EDEM3: variants seen among roughly 807,000 people sequenced by gnomAD.
EDEM3 encodes the protein ER degradation enhancing alpha-mannosidase like protein 3.
In EDEM3, 60 loss-of-function variants were observed where a neutral mutation model predicts 110.2. The ratio of observed to expected loss-of-function variants is 0.54; its 90% CI spans 0.44 to 0.67. The LOEUF is 0.67. Among genes scored for constraint, EDEM3 ranks in the 30% least tolerant of loss-of-function variants. The probability of loss-of-function intolerance (pLI) is 0.00; values close to 1 mark genes in which losing one functional copy is unlikely to be tolerated. For synonymous variants in EDEM3, 352 were observed against 382.9 expected (o/e 0.92, Z 0.94); for missense variants, 996 against 1,121.0 (o/e 0.89, Z 1.59).
At position 184,702,862 on chromosome 1, in the gene EDEM3, G is replaced by A. The variant is rs749061615; in HGVS notation, c.2338C>T (p.Arg780Trp). 3.2e-5 allele frequency: 52 copies of A among 1,611,784 alleles called. No homozygotes were observed. The highest frequency in any genetic ancestry group is 2.0e-4 in the East Asian group (9 of 44,716). The change falls in exon 19 of 20, where the codon CGG becomes TGG. Residue 780 changes from arginine (R) to tryptophan (W), a missense_variant. By Grantham distance (101) the Arg-to-Trp change is moderately radical. Transcript: ENST00000318130. ...KEGSIILDAI[R>W]EYEEVEVLLS... is the part of the protein sequence containing the mutation. ...AGCACTTCTACCTCCTCATATTCCCGGATGGCATCCAGTATGATACTTCCT... is the reference window on the plus strand; with the variant it reads ...AGCACTTCTACCTCCTCATATTCCCAGATGGCATCCAGTATGATACTTCCT...
chr1:184,734,212 T>C (rs1651695956), intron 5 of EDEM3, among the ~76,000 whole-genome samples: 1 of 134,212 alleles, frequency 7.5e-6, no homozygotes, highest in Non-Finnish European at 1.7e-5. Flanking sequence ...CTCACGCCTG[T>C]AATCCCAGCA....
At position 184,693,002 on chromosome 1, in the gene EDEM3, A is replaced by G. The variant is rs754950729; in HGVS notation, c.*1061T>C. On this transcript the variant is annotated 3_prime_UTR_variant, in exon 20 of 20. Coordinates refer to ENST00000318130, the MANE Select transcript of EDEM3 (RefSeq NM_025191.4). ...TTTAGAAACCTAAGTTTCAAAGGAG[A>G]AAAACAGTAGTTACTCCAGGAATTT... 1.3e-5 allele frequency: 2 copies of G among 154,760 alleles called. No individual in the cohort carries two copies. Among genetic ancestry groups the G allele is most frequent in the African/African-American group, 2.4e-5 (1 of 41,522 alleles). 9.6% of individuals were successfully genotyped at this position (154,760 alleles called of 1,614,324 possible).
At chr1:184,737,790 G>T in intron 2 of EDEM3, 79 bp from the exon 3 acceptor site, 1 of 1,231,234 alleles carries the variant, frequency 8.1e-7, no homozygotes, top group South Asian at 1.5e-5. Context: ...CTTTTTCACA[G>T]TTAAAAAATA....
intron 19 of EDEM3, among the ~76,000 whole-genome samples, chr1:184,698,386 A>G (rs1473456537): frequency 1.3e-5 from 2 of 151,864 alleles, no homozygotes; most frequent in Non-Finnish European, 2.9e-5. Context: ...TTGGACGCCT[A>G]ATAGTGACAT....
Position 184,711,865 on chromosome 1 carries a change from T to C in EDEM3, c.1549A>G (p.Thr517Ala), listed in dbSNP as rs1650260479. The C allele has an allele frequency of 6.2e-7, 1 of 1,608,308 alleles. No individual in the cohort carries two copies. The highest frequency in any genetic ancestry group is 1.3e-5 in the African/African-American group (1 of 74,736). ...ISKKNTTSEY[T>A]ELDDSNFDWT... ...TCGAAGTTACTGTCATCCAGTTCTGTATATTCCGAGGTCTACAAGAGAAAA... is the reference window on the plus strand; with the variant it reads ...TCGAAGTTACTGTCATCCAGTTCTGCATATTCCGAGGTCTACAAGAGAAAA... Residue 517 changes from threonine to alanine, a missense_variant, in exon 15 of 20, where the codon ACA becomes GCA. Around this residue, in one of 5 missense-constraint regions of EDEM3, gnomAD observed 138 missense variants for 124.3 expected, o/e 1.11. Coordinates refer to ENST00000318130, the MANE Select transcript of EDEM3 (RefSeq NM_025191.4).
At chr1:184,735,655 T>C (rs992611173) in intron 4 of EDEM3, among the ~76,000 whole-genome samples, 1 of 152,166 alleles carries the variant, frequency 6.6e-6, no homozygotes. Flanking sequence ...AAAAGTAAAA[T>C]TTAGGGTAAG....
At chr1:184,732,033 G>A (rs535063133) in intron 6 of EDEM3, among the ~76,000 whole-genome samples, 7 of 152,022 alleles carry the variant, frequency 4.6e-5, no homozygotes, top group Admixed American at 2.6e-4. Flanking sequence ...AAAATTAGCC[G>A]GTCGTGGTAG....
In EDEM3 at chr1:184,708,464, C is replaced by T. The variant is rs986346080; in HGVS notation, c.1846-120G>A. 5 of 945,006 alleles carry T rather than the reference C, an allele frequency of 5.3e-6. No individual in the cohort carries two copies. In the African/African-American group the frequency reaches 8.8e-5, roughly 17 times the overall value. 58.5% of individuals were successfully genotyped at this position (945,006 alleles called of 1,614,324 possible). On this transcript the variant is annotated intron_variant, in intron 16 of 19. Coordinates refer to ENST00000318130, the MANE Select transcript of EDEM3 (RefSeq NM_025191.4). ...TACAACTTCTTCTTTCACTTTAGGT[C>T]ACCACCAAGTATTTATGACCTTATT...
Position 184,710,395 on chromosome 1 carries a change from T to G in EDEM3, c.1844A>C (p.Gln615Pro). 1 of 1,613,722 alleles carries G rather than the reference T, an allele frequency of 6.2e-7. No individual in the cohort carries two copies. Among genetic ancestry groups the G allele is most frequent in the Admixed American group, 1.7e-5 (1 of 59,994 alleles). Residue 615 changes from glutamine to proline, a missense_variant and splice_region_variant, in exon 16 of 20, where the codon CAA becomes CCA. Coordinates refer to ENST00000318130, the MANE Select transcript of EDEM3 (RefSeq NM_025191.4). ...CTAATTAGTGTAGCAATGTCTTACTTGGATTGCATGTTGGACCAACTGGAC... is the reference window on the plus strand; with the variant it reads ...CTAATTAGTGTAGCAATGTCTTACTGGGATTGCATGTTGGACCAACTGGAC... ...GRVQLVQHAI[Q>P]AASSIDAEDG...
chr1:184,715,018 C>A (rs1650466535), intron 13 of EDEM3, among the ~76,000 whole-genome samples: 2 of 152,138 alleles, frequency 1.3e-5, no homozygotes, highest in South Asian at 2.1e-4. Context: ...AGAGGCACAA[C>A]AATCCCCTCA....
chr1:184,739,380 A>G (rs914873855), intron 2 of EDEM3, among the ~76,000 whole-genome samples: 3 of 150,050 alleles, frequency 2.0e-5, no homozygotes, highest in Non-Finnish European at 4.4e-5. Context: ...TTAAATTTTA[A>G]TTATTTTATC....
rs1020375638 is a variant in EDEM3 at position 184,691,727 on chromosome 1, C to T, written c.*2336G>A. 2 of 151,786 alleles carry T rather than the reference C, an allele frequency of 1.3e-5. No homozygotes were observed. Among genetic ancestry groups the T allele is most frequent in the African/African-American group, 4.8e-5 (2 of 41,306 alleles). 9.4% of individuals were successfully genotyped at this position (151,786 alleles called of 1,614,324 possible). On this transcript the variant is annotated 3_prime_UTR_variant, in exon 20 of 20. Transcript: ENST00000318130. ...AATGAATGTAGAGTTGTAATTACAA[C>T]GTTGGAGTTTTTTAGACGAACATTA...
chr1:184,702,969 G>A lies in EDEM3; in HGVS notation c.2231C>T (p.Thr744Ile), dbSNP rs980881430. 1.9e-6 allele frequency: 3 copies of A among 1,611,230 alleles called. No individual in the cohort carries two copies. The highest frequency in any genetic ancestry group is 2.7e-5 in the African/African-American group (2 of 74,680). The change falls in exon 19 of 20, where the codon ACT (threonine) becomes ATT (isoleucine). Residue 744 changes from threonine (T) to isoleucine (I), a missense_variant. Thr to Ile is a moderately conservative substitution (Grantham distance 89). Coordinates refer to ENST00000318130, the MANE Select transcript of EDEM3 (RefSeq NM_025191.4). ...IDDNEGSSSD[T>I]APLFQMAGDG... is the part of the protein sequence containing the mutation. ...ACCTGCCATCTGGAACAGAGGGGCA[G>A]TATCACTGCTGCTCCCCTCATTGTC... is the stretch of plus-strand genomic sequence containing the variant.
At position 184,706,673 on chromosome 1, in the gene EDEM3, T is replaced by C; in HGVS notation, c.2173A>G (p.Asn725Asp). ...ACAATGCCACCAATGGCTCCAGCAT[T>C]CTGGATGTTGCGTGCCTTTTCTGCA... ...MFAEKARNIQ[N>D]AGAIGGIVID... The change falls in exon 18 of 20, where the codon AAT becomes GAT. Residue 725 changes from asparagine to aspartate, a missense_variant. This residue lies in a region of EDEM3 where 345 missense variants were observed against 402.0 expected (regional missense o/e 0.86). Transcript: ENST00000318130. The C allele has an allele frequency of 6.2e-7, 1 of 1,613,280 alleles. No individual in the cohort carries two copies. Among genetic ancestry groups the C allele is most frequent in the Admixed American group, 1.7e-5 (1 of 59,986 alleles).
At chr1:184,720,056 G>C (rs1454363115) in intron 9 of EDEM3, among the ~76,000 whole-genome samples, 1 of 152,128 alleles carries the variant, frequency 6.6e-6, no homozygotes, top group Non-Finnish European at 1.5e-5. Context: ...TGCTATCTCA[G>C]CTTATTATGG....
Position 184,733,022 on chromosome 1 carries a change from T to A in EDEM3, c.459-32A>T, listed in dbSNP as rs771951948. 78 of 1,585,362 alleles carry A rather than the reference T, an allele frequency of 4.9e-5. 2 individuals carry two copies. Among genetic ancestry groups the A allele is most frequent in the South Asian group, 2.3e-4 (20 of 86,512 alleles). On this transcript the variant is annotated intron_variant, in intron 5 of 19. Transcript: ENST00000318130. The stretch of plus-strand genomic sequence containing the variant: ...TCACAGAGATGAAACATTATCCATA[T>A]CTTATAGACAATTAAAAGTTACCAT...
At chr1:184,727,733 T>G (rs899820814) in intron 6 of EDEM3, among the ~76,000 whole-genome samples, 2 of 152,168 alleles carry the variant, frequency 1.3e-5, no homozygotes, top group African/African-American at 4.8e-5. Context: ...TTGAGACATT[T>G]TCATGTGCTA....
intron 8 of EDEM3, among the ~76,000 whole-genome samples, chr1:184,722,251 A>G (rs866749782): frequency 1.3e-5 from 2 of 152,034 alleles, no homozygotes. Context: ...CTAGTGGTAC[A>G]TTTAAATCAA....
chr1:184,694,757 A>G (rs1324981102), intron 19 of EDEM3, among the ~76,000 whole-genome samples: 6 of 152,094 alleles, frequency 3.9e-5, no homozygotes, highest in Non-Finnish European at 8.8e-5. Flanking sequence ...TAGTAAGCCA[A>G]GAAGTACGCT....
Sources: gnomAD v4.1 joint callset for allele counts (sites outside exome capture counted in the v4.1 genomes callset) on GRCh38, gnomAD v4.1.1 for gene constraint, gnomAD v4.1.1 regional missense constraint, MANE v1.5 for transcripts, NCBI Gene and HGNC (gene_info 2026-07-23, HGNC 2026-07-21) for gene names.